MACROD2: variants seen among roughly 807,000 people sequenced by gnomAD.
MACROD2 encodes the protein ADP-ribose glycohydrolase MACROD2.
A neutral mutation model predicts 70.4 loss-of-function variants in MACROD2; 36 were observed. That is an observed-to-expected ratio of 0.51 (90% confidence interval 0.39 to 0.68). The LOEUF is 0.68. Ranked by LOEUF, MACROD2 falls within the 30% of genes least tolerant of loss-of-function variation. MACROD2 has a pLI of 0.00. For synonymous variants in MACROD2, 172 were observed against 178.8 expected, an observed-to-expected ratio of 0.96 and a Z score of 0.30; for missense variants, 496 against 538.4, an observed-to-expected ratio of 0.92 and a Z score of 0.78.
chr20:15,751,751 C>A (rs2051273776), intron 8 of MACROD2, among the ~76,000 whole-genome samples: 1 of 151,670 alleles, frequency 6.6e-6, no homozygotes, highest in South Asian at 2.1e-4. Flanking sequence ...TCTCTCCTGA[C>A]CAGAAGATCC....
rs550552624 is a variant in MACROD2, at chr20:14,051,981, A to T, written c.164-33640A>T. 233 of 510,492 alleles carry T rather than the reference A, an allele frequency of 4.6e-4. 2 individuals carry two copies. Among genetic ancestry groups the T allele is most frequent in the South Asian group, 3.3e-3 (231 of 69,278 alleles). The allele number at this position is 510,492 out of a possible 1,614,324, so 31.6% of individuals were successfully genotyped here. ...ATGGCATGGGAAAGAGTGCCTGAGG[A>T]TCCTTGCCTGGAACAAGTTATGGAA... On this transcript the variant is annotated intron_variant, in intron 2 of 17. Coordinates refer to ENST00000684519, the MANE Select transcript of MACROD2 (RefSeq NM_001351661.2).
intron 6 of MACROD2, among the ~76,000 whole-genome samples, chr20:15,376,864 AG>A (rs1464426653): frequency 6.6e-6 from 1 of 152,112 alleles, no homozygotes; most frequent in Non-Finnish European, 1.5e-5. Flanking sequence ...GCCAACTTCT[AG>A]TTTTATTTTA....
intron 4 of MACROD2, chr20:14,621,939 A>G (rs1983850333): frequency 6.6e-6 from 1 of 152,126 alleles, no homozygotes; most frequent in Admixed American, 6.6e-5. Flanking sequence ...TGTGAGTTTT[A>G]ACAAAATAAT....
At position 15,774,502 on chromosome 20, in the gene MACROD2, A is replaced by G. The variant is rs578177213; in HGVS notation, c.646-88243A>G. On this transcript the variant is annotated intron_variant, in intron 8 of 17. Coordinates refer to ENST00000684519, the MANE Select transcript of MACROD2 (RefSeq NM_001351661.2). ...TTCTGAACACTTTCTAGAGATTCTG[A>G]TGGGTCCAAATTCCCCAAGGAGCTG... is the stretch of plus-strand genomic sequence containing the variant. Among the ~76,000 whole-genome samples, 6 of 152,232 alleles carry G rather than the reference A, an allele frequency of 3.9e-5. No homozygotes were observed. The South Asian group carries it at 1.2e-3, about 32-fold the overall frequency.
chr20:15,858,254 A>C (rs1425165409), intron 8 of MACROD2, among the ~76,000 whole-genome samples: 1 of 149,858 alleles, frequency 6.7e-6, no homozygotes, highest in Non-Finnish European at 1.5e-5. Context: ...AAGAACCACT[A>C]TTTCACAAAA....
intron 2 of MACROD2, among the ~76,000 whole-genome samples, chr20:14,005,685 C>T (rs1215443716): frequency 6.6e-6 from 1 of 152,132 alleles, no homozygotes; most frequent in African/African-American, 2.4e-5. Context: ...TCACTACAAC[C>T]TCCACCTCCT....
chr20:15,245,841 G>A (rs2077100461), intron 6 of MACROD2, among the ~76,000 whole-genome samples: 3 of 152,118 alleles, frequency 2.0e-5, no homozygotes, highest in Admixed American at 1.3e-4. Flanking sequence ...TGGGTTTATC[G>A]GGATGTAGTT....
chr20:15,374,320 TTACA>T (rs905349702), intron 6 of MACROD2, among the ~76,000 whole-genome samples: 16 of 151,936 alleles, frequency 1.1e-4, no homozygotes, highest in African/African-American at 3.9e-4. Flanking sequence ...GTAATTACAC[TTACA>T]TACATATATA....
At chr20:14,030,818 A>G (rs2053238086) in intron 2 of MACROD2, among the ~76,000 whole-genome samples, 2 of 152,138 alleles carry the variant, frequency 1.3e-5, no homozygotes, top group South Asian at 4.1e-4. Flanking sequence ...AATCAGCTGA[A>G]TGAAGAATTT....
intron 8 of MACROD2, among the ~76,000 whole-genome samples, chr20:15,822,042 A>T (rs977977690): frequency 9.9e-5 from 15 of 152,216 alleles, no homozygotes; most frequent in Admixed American, 5.2e-4. Context: ...AATAATTATT[A>T]TGCGATTGCT....
chr20:15,752,548 C>T (rs1193014761), intron 8 of MACROD2, among the ~76,000 whole-genome samples: 1 of 152,128 alleles, frequency 6.6e-6, no homozygotes, highest in Non-Finnish European at 1.5e-5. Context: ...GTACCAGTTT[C>T]TCTATCAAAG....
intron 5 of MACROD2, among the ~76,000 whole-genome samples, chr20:14,742,774 T>A (rs902023863): frequency 6.4e-5 from 7 of 109,876 alleles, no homozygotes; most frequent in African/African-American, 2.0e-4. Flanking sequence ...TTTTATTTTA[T>A]TTTTTTTTTT....
chr20:14,523,329 C>G (rs2085192139), intron 4 of MACROD2: 1 of 152,178 alleles, frequency 6.6e-6, no homozygotes, highest in Non-Finnish European at 1.5e-5. Context: ...TGTGAGATTC[C>G]TCTCTGGAAT....
At chr20:14,968,336 G>A (rs113836400) in intron 5 of MACROD2, among the ~76,000 whole-genome samples, 3,595 of 152,116 alleles carry the variant, frequency 0.024, 139 homozygotes, top group African/African-American at 0.082. Context: ...GCCCTGTGTG[G>A]TCCTTTCTCA....
At chr20:14,296,146 C>T (rs571940698) in intron 3 of MACROD2, among the ~76,000 whole-genome samples, 2 of 151,760 alleles carry the variant, frequency 1.3e-5, no homozygotes, top group Non-Finnish European at 2.9e-5. Context: ...TGCAGCCATG[C>T]CCATAGACTA....
chr20:14,357,844 A>G (rs1041380203), intron 3 of MACROD2, among the ~76,000 whole-genome samples: 1 of 152,248 alleles, frequency 6.6e-6, no homozygotes, highest in African/African-American at 2.4e-5. Flanking sequence ...ACTTGCAAAT[A>G]AGACAGTGCT....
intron 12 of MACROD2, among the ~76,000 whole-genome samples, chr20:15,967,000 G>T (rs913152541): frequency 3.3e-5 from 5 of 152,170 alleles, no homozygotes; most frequent in African/African-American, 1.2e-4. Flanking sequence ...ACGATTCCAT[G>T]TTTAAATGTG....
chr20:14,876,173 G>C (rs1490231816), intron 5 of MACROD2, among the ~76,000 whole-genome samples: 1 of 152,088 alleles, frequency 6.6e-6, no homozygotes, highest in Non-Finnish European at 1.5e-5. Context: ...ATTCTGACTG[G>C]TGTGAAATGG....
At chr20:14,525,863 C>T (rs1291959148) in intron 4 of MACROD2, among the ~76,000 whole-genome samples, 1 of 152,086 alleles carries the variant, frequency 6.6e-6, no homozygotes, top group Non-Finnish European at 1.5e-5. Context: ...ATGTTCTCTC[C>T]CTTCTGCTGG....
Sources: allele counts gnomAD v4.1 joint callset (sites outside exome capture counted in the v4.1 genomes callset), GRCh38; gene constraint gnomAD v4.1.1; transcripts MANE v1.5; gene names NCBI Gene and HGNC (gene_info 2026-07-23, HGNC 2026-07-21).